Variants in SIRPA observed in about 807,000 individuals in gnomAD.
SIRPA encodes signal regulatory protein alpha.
SIRPA carries 9 observed loss-of-function variants against 50.3 expected under a neutral mutation model. That is an observed-to-expected ratio of 0.18 (90% CI 0.11 to 0.31). SIRPA has a LOEUF of 0.31. Among genes scored for constraint, SIRPA ranks in the 10% least tolerant of loss-of-function variants. The pLI, the probability that SIRPA is intolerant of heterozygous loss-of-function variation, is 1.00. For synonymous variants in SIRPA, 265 were observed against 284.1 expected (o/e 0.93, Z 0.68); for missense variants, 474 against 661.6 (o/e 0.72, Z 3.11).
chr20:1,901,772 C>CG (rs1984226193), intron 1 of SIRPA, among the ~76,000 whole-genome samples: 1 of 152,118 alleles, frequency 6.6e-6, no homozygotes, highest in Admixed American at 6.5e-5. Context: ...CACATTCGTT[C>CG]GGGGGCGCAG....
intron 1 of SIRPA, 63 bp downstream of exon 1, chr20:1,895,589 T>C (rs1983750841): frequency 8.0e-7 from 1 of 1,243,178 alleles, no homozygotes. Context: ...CCTCTCAGAC[T>C]GGCACTGGGA....
upstream of SIRPA, chr20:1,894,587 T>C (rs1201174553): frequency 1.3e-5 from 2 of 151,428 alleles, no homozygotes; most frequent in Non-Finnish European, 2.9e-5. The surrounding 1 kb of genome is among the most constrained non-coding windows in gnomAD (Gnocchi z 4.0). Flanking sequence ...CCGCGCGGGC[T>C]TCTGAACGGG....
At chr20:1,919,836 T>A (rs1985534757) in intron 2 of SIRPA, among the ~76,000 whole-genome samples, 1 of 152,174 alleles carries the variant, frequency 6.6e-6, no homozygotes, top group Admixed American at 6.5e-5. Context: ...ACTTGGTGGT[T>A]TCTGCTCCTT....
At chr20:1,894,241 A>G (rs1427861368), upstream of SIRPA, 1 of 151,856 alleles carries the variant, frequency 6.6e-6, no homozygotes, top group Non-Finnish European at 1.5e-5. This position sits in a 1 kb window ranked among gnomAD's most constrained non-coding sequence, Gnocchi z 4.0. Flanking sequence ...GGAGGGTTAA[A>G]AGGCAGACGC....
At chr20:1,913,644 T>C (rs1317756299) in intron 1 of SIRPA, among the ~76,000 whole-genome samples, 2 of 152,158 alleles carry the variant, frequency 1.3e-5, no homozygotes, top group Non-Finnish European at 2.9e-5. Flanking sequence ...TCTACCTGGT[T>C]CTCTCCTTCT....
chr20:1,906,099 G>A (rs541218722), intron 1 of SIRPA, among the ~76,000 whole-genome samples: 73 of 152,142 alleles, frequency 4.8e-4, no homozygotes, highest in African/African-American at 1.2e-3. Flanking sequence ...TGCCAGGCAC[G>A]CTAGCCCGTT....
chr20:1,896,632 A>G (rs1983843330), intron 1 of SIRPA, among the ~76,000 whole-genome samples: 3 of 152,062 alleles, frequency 2.0e-5, no homozygotes, highest in African/African-American at 7.2e-5. Flanking sequence ...GCGTTTGACT[A>G]GAGATGGTAA....
At chr20:1,908,910 T>C (rs1413031337) in intron 1 of SIRPA, among the ~76,000 whole-genome samples, 1 of 152,232 alleles carries the variant, frequency 6.6e-6, no homozygotes, top group African/African-American at 2.4e-5. Context: ...TATGTTCACA[T>C]GTGCTATTGC....
rs1460228369 is a variant in SIRPA at position 1,898,891 on chromosome 20, G to C, written c.79+3365G>C. Among the ~76,000 whole-genome samples, 1 of 152,020 alleles carries C rather than the reference G, an allele frequency of 6.6e-6. No homozygotes were observed. The highest frequency in any genetic ancestry group is 6.5e-5 in the Admixed American group (1 of 15,272). On this transcript the variant is annotated intron_variant, in intron 1 of 7. Transcript: ENST00000358771. The surrounding 1 kb of genome is among the most constrained non-coding windows in gnomAD (Gnocchi z 4.3). ...TGGCTCCTGTGAGAGCCCCCCATCT[G>C]GGCTGCTGAGCTCTGGAGCCCCCAG...
At chr20:1,925,106 G>A (rs531488339) in intron 5 of SIRPA, among the ~76,000 whole-genome samples, 5 of 152,236 alleles carry the variant, frequency 3.3e-5, no homozygotes, top group East Asian at 3.9e-4. Flanking sequence ...CCCAGGCCCC[G>A]TGTCCTCAAG....
At position 1,922,415 on chromosome 20, in the gene SIRPA, C is replaced by G. The variant is rs746503962; in HGVS notation, c.857C>G (p.Thr286Ser). 26 of 1,614,258 alleles carry G rather than the reference C, an allele frequency of 1.6e-5. 1 individual carries two copies. The South Asian group carries it at 2.9e-4, about 18-fold the overall frequency. ...RKFYPQRLQL[T>S]WLENGNVSRT... The stretch of plus-strand genomic sequence containing the variant: ...TTCTACCCCCAGAGACTACAGCTGA[C>G]CTGGTTGGAGAATGGAAACGTGTCC... The change falls in exon 4 of 8, where the codon ACC becomes AGC. Residue 286 changes from threonine (T) to serine (S), a missense_variant. By Grantham distance (58) the Thr-to-Ser change is moderately conservative (BLOSUM62 1). Around this residue, in one of 4 missense-constraint regions of SIRPA, gnomAD observed 221 missense variants for 359.9 expected, o/e 0.61. Coordinates refer to ENST00000358771, the MANE Select transcript of SIRPA (RefSeq NM_001040023.2).
chr20:1,913,624 C>G (rs2123078298), intron 1 of SIRPA, among the ~76,000 whole-genome samples: 1 of 152,326 alleles, frequency 6.6e-6, no homozygotes, highest in South Asian at 2.1e-4. Flanking sequence ...AGGTAGCTGC[C>G]ACTCCTCTGT....
At position 1,921,500 on chromosome 20, in the gene SIRPA, C is replaced by A. The variant is rs1225714969; in HGVS notation, c.542C>A (p.Thr181Asn). The part of the protein sequence containing the change: ...ESHGFSPRDI[T>N]LKWFKNGNEL... ...CACGGCTTCTCACCCAGAGACATCA[C>A]CCTGAAATGGTTCAAAAATGGGAAT... The change falls in exon 3 of 8, where the codon ACC becomes AAC. Residue 181 changes from threonine to asparagine, a missense_variant. Coordinates refer to ENST00000358771, the MANE Select transcript of SIRPA (RefSeq NM_001040023.2). 1 of 1,614,032 alleles carries A rather than the reference C, an allele frequency of 6.2e-7. No homozygotes were observed. The highest frequency in any genetic ancestry group is 8.5e-7 in the Non-Finnish European group (1 of 1,179,946).
rs367629199 is a variant in SIRPA, at chr20:1,937,525, C to T, written c.1472C>T (p.Pro491Leu). 12 of 1,614,028 alleles carry T rather than the reference C, an allele frequency of 7.4e-6. No homozygotes were observed. The African/African-American group carries it at 1.3e-4, about 18-fold the overall frequency. The change falls in exon 8 of 8, where the codon CCG (proline) becomes CTG (leucine). Residue 491 changes from proline (P) to leucine (L), a missense_variant. Physicochemically the swap from Pro to Leu is moderately conservative, Grantham distance 98. This residue lies in a region of SIRPA where 180 missense variants were observed against 206.7 expected (regional missense o/e 0.87). Transcript: ENST00000358771. This position sits in a 1 kb window ranked among gnomAD's most constrained non-coding sequence, Gnocchi z 8.3. ...TPKQPAPKPEPSFSEYASVQV... is the reference protein window; with the variant it reads ...TPKQPAPKPELSFSEYASVQV... ...AAGCAGCCGGCCCCCAAGCCTGAGCCGTCCTTCTCAGAGTACGCCAGCGTC... is the reference window on the plus strand; with the variant it reads ...AAGCAGCCGGCCCCCAAGCCTGAGCTGTCCTTCTCAGAGTACGCCAGCGTC...
intron 6 of SIRPA, among the ~76,000 whole-genome samples, chr20:1,931,717 G>T (rs1337664456): frequency 6.6e-6 from 1 of 152,150 alleles, no homozygotes; most frequent in Admixed American, 6.5e-5. Context: ...AGCTCAAGGG[G>T]TTCTTCAGGT....
intron 1 of SIRPA, among the ~76,000 whole-genome samples, chr20:1,906,671 G>A (rs1023504214): frequency 2.0e-5 from 3 of 152,188 alleles, no homozygotes; most frequent in Non-Finnish European, 2.9e-5. Flanking sequence ...GGGGGCTGTG[G>A]GAGGGTTTTG....
At position 1,937,537 on chromosome 20, in the gene SIRPA, A is replaced by G; in HGVS notation, c.1484A>G (p.Glu495Gly). The change falls in exon 8 of 8, where the codon GAG (glutamate) becomes GGG (glycine). Residue 495 changes from glutamate (E) to glycine (G), a missense_variant. Glu to Gly is a moderately conservative substitution (Grantham distance 98, BLOSUM62 -2). Around this residue, in one of 4 missense-constraint regions of SIRPA, gnomAD observed 180 missense variants for 206.7 expected, o/e 0.87. Coordinates refer to ENST00000358771, the MANE Select transcript of SIRPA (RefSeq NM_001040023.2). The surrounding 1 kb of genome is among the most constrained non-coding windows in gnomAD (Gnocchi z 8.3). ...PAPKPEPSFS[E>G]YASVQVPRK ...CCCAAGCCTGAGCCGTCCTTCTCAGAGTACGCCAGCGTCCAGGTCCCGAGG... is the reference window on the plus strand; with the variant it reads ...CCCAAGCCTGAGCCGTCCTTCTCAGGGTACGCCAGCGTCCAGGTCCCGAGG... 2.5e-6 allele frequency: 4 copies of G among 1,614,152 alleles called. No individual in the cohort carries two copies. The highest frequency in any genetic ancestry group is 3.4e-6 in the Non-Finnish European group (4 of 1,180,026).
chr20:1,897,612 G>C (rs1983908221), intron 1 of SIRPA, among the ~76,000 whole-genome samples: 1 of 152,206 alleles, frequency 6.6e-6, no homozygotes, highest in African/African-American at 2.4e-5. Context: ...GGATTTGTTC[G>C]AGTGAGAAAC....
At position 1,922,617 on chromosome 20, in the gene SIRPA, G is replaced by C; in HGVS notation, c.1059G>C (p.Pro353=). Residue 353 remains proline (P), a synonymous_variant, in exon 4 of 8, where the codon CCG becomes CCC. Coordinates refer to ENST00000358771, the MANE Select transcript of SIRPA (RefSeq NM_001040023.2). ...KSHDLKVSAH[P]KEQGSNTAAE... ...ATGACCTGAAGGTCTCAGCCCACCCGAAGGAGCAGGGCTCAAATACCGCCG... is the reference window on the plus strand; with the variant it reads ...ATGACCTGAAGGTCTCAGCCCACCCCAAGGAGCAGGGCTCAAATACCGCCG... 1 of 1,613,126 alleles carries C rather than the reference G, an allele frequency of 6.2e-7. No homozygotes were observed. Among genetic ancestry groups the C allele is most frequent in the Non-Finnish European group, 8.5e-7 (1 of 1,179,508 alleles).
Sources: gnomAD v4.1 joint callset for allele counts (sites outside exome capture counted in the v4.1 genomes callset) on GRCh38, gnomAD v4.1.1 for gene constraint, gnomAD v4.1.1 regional missense constraint, Gnocchi (gnomAD v3.1) non-coding constraint, MANE v1.5 for transcripts, NCBI Gene and HGNC (gene_info 2026-07-23, HGNC 2026-07-21) for gene names.